The following SGCZ variants were observed in gnomAD, a reference collection of about 807,000 sequenced individuals.
SGCZ encodes the protein sarcoglycan zeta.
Under a neutral mutation model 41.3 loss-of-function variants are expected in SGCZ, and 40 were observed. The observed-to-expected ratio is 0.97, with a 90% CI of 0.75 to 1.26. SGCZ has a LOEUF of 1.26. SGCZ is among the 50% of genes most tolerant of loss of function. SGCZ has a pLI of 0.00. For synonymous variants in SGCZ, 206 were observed against 137.5 expected (o/e 1.50, Z -3.49); for missense variants, 552 against 369.8 (o/e 1.49, Z -4.04).
chr8:14,605,643 G>C (rs1361895217), intron 1 of SGCZ, among the ~76,000 whole-genome samples: 1 of 151,978 alleles, frequency 6.6e-6, no homozygotes, highest in Non-Finnish European at 1.5e-5. Context: ...CCACAAATTG[G>C]TACATTCTAG....
chr8:15,038,117 T>C (rs995805406), intron 1 of SGCZ, among the ~76,000 whole-genome samples: 1 of 152,002 alleles, frequency 6.6e-6, no homozygotes, highest in Non-Finnish European at 1.5e-5. Flanking sequence ...CTAAAATTTA[T>C]ATGGAATCAC....
At chr8:14,955,400 A>T (rs2130842959) in intron 1 of SGCZ, among the ~76,000 whole-genome samples, 1 of 152,312 alleles carries the variant, frequency 6.6e-6, no homozygotes, top group African/African-American at 2.4e-5. Context: ...AATGTACTTT[A>T]AGCATTGTTG....
In SGCZ at chr8:14,105,383, CA is replaced by C. The variant is rs199755272; in HGVS notation, c.620+2779del. Among the ~76,000 whole-genome samples the C allele has an allele frequency of 1.3e-3, 198 of 152,068 alleles. 3 individuals carry two copies. The East Asian group carries it at 0.036, about 27-fold the overall frequency. ...AAAGTCTTTTTGTTCTTCACAATAA[CA>C]AAACCAAAGAAAATGTGGCTACTTA... is the stretch of plus-strand genomic sequence containing the variant. On this transcript the variant is annotated intron_variant, in intron 6 of 7. Coordinates refer to ENST00000382080, the MANE Select transcript of SGCZ (RefSeq NM_139167.4).
intron 1 of SGCZ, among the ~76,000 whole-genome samples, chr8:15,098,565 AGGTTTT>A (rs1396225765): frequency 6.6e-6 from 1 of 152,194 alleles, no homozygotes; most frequent in East Asian, 1.9e-4. Context: ...GTCAAATTGG[AGGTTTT>A]CTGCTAAATT....
intron 2 of SGCZ, among the ~76,000 whole-genome samples, chr8:14,472,628 T>C (rs1801245549): frequency 6.6e-6 from 1 of 152,124 alleles, no homozygotes; most frequent in Admixed American, 6.6e-5. Context: ...TTTTCCCATA[T>C]TGCAAGGATC....
chr8:14,418,618 A>T (rs1799559662), intron 2 of SGCZ, among the ~76,000 whole-genome samples: 1 of 151,964 alleles, frequency 6.6e-6, no homozygotes, highest in African/African-American at 2.4e-5. Context: ...GCTAACTATC[A>T]ATTAATTATC....
At chr8:15,104,426 T>C (rs1806738785) in intron 1 of SGCZ, among the ~76,000 whole-genome samples, 1 of 152,234 alleles carries the variant, frequency 6.6e-6, no homozygotes, top group African/African-American at 2.4e-5. Flanking sequence ...TTTCTTTCTA[T>C]GCATGTGTAT....
chr8:14,430,099 G>A (rs112963433), intron 2 of SGCZ, among the ~76,000 whole-genome samples: 19 of 152,176 alleles, frequency 1.2e-4, no homozygotes, highest in African/African-American at 4.3e-4. Context: ...CAGATTCACA[G>A]CAGAATTCTG....
At chr8:14,455,027 C>T (rs1800702290) in intron 2 of SGCZ, among the ~76,000 whole-genome samples, 1 of 152,096 alleles carries the variant, frequency 6.6e-6, no homozygotes, top group Non-Finnish European at 1.5e-5. Flanking sequence ...ATTAACACAT[C>T]TGACTACACA....
At chr8:14,657,388 G>T (rs150635086) in intron 1 of SGCZ, among the ~76,000 whole-genome samples, 1 of 151,800 alleles carries the variant, frequency 6.6e-6, no homozygotes, top group Non-Finnish European at 1.5e-5. Context: ...GCATCAATAC[G>T]CATATTTGAC....
intron 7 of SGCZ, among the ~76,000 whole-genome samples, chr8:14,101,734 C>T (rs185527676): frequency 6.6e-6 from 1 of 150,852 alleles, no homozygotes; most frequent in African/African-American, 2.4e-5. Context: ...AACCAAAGTG[C>T]TTTCTGGAAG....
intron 2 of SGCZ, among the ~76,000 whole-genome samples, chr8:14,433,939 T>C (rs1322828305): frequency 6.6e-6 from 1 of 151,836 alleles, no homozygotes; most frequent in African/African-American, 2.4e-5. Context: ...TGATCAAGAA[T>C]TACTATATTT....
chr8:14,929,184 G>T (rs550539955), intron 1 of SGCZ, among the ~76,000 whole-genome samples: 1 of 151,914 alleles, frequency 6.6e-6, no homozygotes, highest in South Asian at 2.1e-4. Context: ...GTAGAGATGG[G>T]GTTTCACCAT....
At chr8:14,719,973 T>C (rs1234291332) in intron 1 of SGCZ, among the ~76,000 whole-genome samples, 1 of 151,964 alleles carries the variant, frequency 6.6e-6, no homozygotes, top group African/African-American at 2.4e-5. Context: ...TCTTCTAGGG[T>C]TTTTAAGGTT....
intron 1 of SGCZ, among the ~76,000 whole-genome samples, chr8:14,885,992 T>TATAC (rs1173511458): frequency 2.5e-5 from 1 of 39,606 alleles, no homozygotes; most frequent in African/African-American, 8.8e-5. Flanking sequence ...ATGTTATATA[T>TATAC]ATATATATAT....
intron 1 of SGCZ, among the ~76,000 whole-genome samples, chr8:15,104,017 A>G (rs1038946147): frequency 2.6e-5 from 4 of 152,158 alleles, no homozygotes; most frequent in African/African-American, 7.2e-5. Flanking sequence ...ATGACTTGGC[A>G]TTTTCATGAT....
intron 1 of SGCZ, among the ~76,000 whole-genome samples, chr8:14,958,852 G>C (rs575170797): frequency 6.6e-6 from 1 of 152,110 alleles, no homozygotes; most frequent in South Asian, 2.1e-4. Flanking sequence ...CAGAGAAAAA[G>C]ACATAAATAG....
chr8:14,523,857 A>G (rs559725847), intron 2 of SGCZ, among the ~76,000 whole-genome samples: 1 of 152,174 alleles, frequency 6.6e-6, no homozygotes, highest in South Asian at 2.1e-4. Flanking sequence ...ATGGGTCCCT[A>G]AACTTCTGTT....
At chr8:14,593,409 A>G (rs1389808627) in intron 1 of SGCZ, among the ~76,000 whole-genome samples, 1 of 152,182 alleles carries the variant, frequency 6.6e-6, no homozygotes, top group African/African-American at 2.4e-5. Flanking sequence ...TCTTGATTTT[A>G]GATGTCTGAT....
Sources: gnomAD v4.1 joint callset for allele counts (sites outside exome capture counted in the v4.1 genomes callset) on GRCh38, gnomAD v4.1.1 for gene constraint, MANE v1.5 for transcripts, NCBI Gene and HGNC (gene_info 2026-07-23, HGNC 2026-07-21) for gene names.